Variants in ASTN1 observed in about 807,000 individuals in gnomAD.
ASTN1 encodes astrotactin 1, also known as astrotactin-1.
ASTN1 carries 41 observed loss-of-function variants against 140.7 expected under a neutral mutation model. That is an observed-to-expected ratio of 0.29 (90% CI 0.23 to 0.38). The LOEUF (loss-of-function observed/expected upper bound fraction) is 0.38. Among genes scored for constraint, ASTN1 ranks in the 10% least tolerant of loss-of-function variants. The probability of loss-of-function intolerance (pLI) is 1.00; values close to 1 mark genes in which losing one functional copy is unlikely to be tolerated. For missense variants in ASTN1, 1,479 were observed against 1,678.8 expected, an observed-to-expected ratio of 0.88 and a Z score of 2.08; for synonymous variants, 640 against 652.2, an observed-to-expected ratio of 0.98 and a Z score of 0.29.
rs1683080629 is a variant in ASTN1, at chr1:177,152,453, A to G, written c.283+11941T>C. 2.6e-5 allele frequency among the ~76,000 whole-genome samples: 4 copies of G among 152,242 alleles called. No individual in the cohort carries two copies. In the South Asian group the frequency reaches 8.3e-4, roughly 32 times the overall value. On this transcript the variant is annotated intron_variant, in intron 1 of 22. Transcript: ENST00000361833. The stretch of plus-strand genomic sequence containing the variant: ...GGAAAATAAATAAATAAAAAAGGAA[A>G]CATTCCTTTTACAAAAGCACAAAAA...
intron 1 of ASTN1, among the ~76,000 whole-genome samples, chr1:177,125,510 G>A (rs974981218): frequency 6.6e-6 from 1 of 152,196 alleles, no homozygotes; most frequent in Non-Finnish European, 1.5e-5. Flanking sequence ...TTACCTAGAT[G>A]TAGAGGCAAA....
At chr1:177,052,401 T>C (rs922728475) in intron 2 of ASTN1, among the ~76,000 whole-genome samples, 2 of 152,216 alleles carry the variant, frequency 1.3e-5, no homozygotes, top group African/African-American at 4.8e-5. Context: ...CATTTAATAA[T>C]TAAAACAGCC....
chr1:177,113,896 A>G (rs1438029264), intron 1 of ASTN1, among the ~76,000 whole-genome samples: 1 of 152,224 alleles, frequency 6.6e-6, no homozygotes, highest in Non-Finnish European at 1.5e-5. Context: ...ATGTCTCTAC[A>G]TAGCAGGGAG....
At chr1:177,064,135 A>G (rs550148294) in intron 1 of ASTN1, among the ~76,000 whole-genome samples, 3 of 152,112 alleles carry the variant, frequency 2.0e-5, no homozygotes, top group Admixed American at 6.6e-5. Context: ...ATGTGGATGA[A>G]CAATTTGTCC....
At chr1:176,880,198 C>A (rs960376335) in intron 20 of ASTN1, among the ~76,000 whole-genome samples, 2 of 152,182 alleles carry the variant, frequency 1.3e-5, no homozygotes, top group Non-Finnish European at 1.5e-5. Context: ...CAACGGAGGC[C>A]TGTGTGAGTG....
At chr1:177,115,021 G>A (rs1204735495) in intron 1 of ASTN1, among the ~76,000 whole-genome samples, 1 of 151,990 alleles carries the variant, frequency 6.6e-6, no homozygotes, top group Non-Finnish European at 1.5e-5. Flanking sequence ...AGAAATGAGA[G>A]GTAGAAGGAA....
In ASTN1 at chr1:176,949,247, G is replaced by A. The variant is rs144819472; in HGVS notation, c.1992C>T (p.Cys664=). 1.2e-4 allele frequency: 192 copies of A among 1,614,080 alleles called. 2 individuals are homozygous for A. The African/African-American group carries it at 2.3e-3, about 19-fold the overall frequency. The change falls in exon 12 of 23, where the codon TGC becomes TGT. Residue 664 remains cysteine, a synonymous_variant. Coordinates refer to ENST00000361833, the MANE Select transcript of ASTN1 (RefSeq NM_004319.3). The stretch of plus-strand genomic sequence containing the variant: ...CCGGGAAGGGCGCCATCTGCTGGAG[G>A]CACAGCTGCTCACAGCCGCCGTTGA... The part of the protein sequence containing the change: ...DGFNGGCEQL[C]LQQMAPFPDD...
intron 1 of ASTN1, among the ~76,000 whole-genome samples, chr1:177,098,978 A>G (rs903687049): frequency 1.3e-5 from 2 of 152,004 alleles, no homozygotes; most frequent in Non-Finnish European, 2.9e-5. Flanking sequence ...AATCAAAACT[A>G]CTCTCAGCAG....
At chr1:176,867,919 TTTCCTTCC>T (rs57237203) in intron 22 of ASTN1, among the ~76,000 whole-genome samples, 4 of 150,830 alleles carry the variant, frequency 2.7e-5, no homozygotes, top group East Asian at 2.0e-4. Context: ...ATTTTCTTCA[TTTCCTTCC>T]TTCCTTCCTT....
At chr1:177,081,640 T>C (rs1358329965) in intron 1 of ASTN1, among the ~76,000 whole-genome samples, 5 of 152,148 alleles carry the variant, frequency 3.3e-5, no homozygotes, top group Non-Finnish European at 2.9e-5. Flanking sequence ...TACAGAGTCA[T>C]GCAGTGATGG....
intron 16 of ASTN1, among the ~76,000 whole-genome samples, chr1:176,925,247 G>A (rs138468873): frequency 1.6e-3 from 245 of 152,252 alleles, no homozygotes; most frequent in African/African-American, 5.6e-3. Context: ...GGAGACCACC[G>A]TGCCATGGCT....
At chr1:176,955,051 T>G (rs935880791) in intron 11 of ASTN1, among the ~76,000 whole-genome samples, 14 of 152,230 alleles carry the variant, frequency 9.2e-5, no homozygotes, top group Non-Finnish European at 1.8e-4. Context: ...ATGCTCTGCC[T>G]CTGCCTACAT....
At chr1:177,052,587 A>G (rs1276936879) in intron 2 of ASTN1, among the ~76,000 whole-genome samples, 1 of 152,204 alleles carries the variant, frequency 6.6e-6, no homozygotes, top group Admixed American at 6.5e-5. Context: ...ATTCAATACC[A>G]TACAACTATA....
At position 176,971,549 on chromosome 1, in the gene ASTN1, C is replaced by T. The variant is rs539641545; in HGVS notation, c.1524-6312G>A. On this transcript the variant is annotated intron_variant, in intron 8 of 22. Transcript: ENST00000361833. ...GTCCCTCAACTGCTATTTACTTGGA[C>T]AACTTATACTATTCTTAAAGTCTAA... is the stretch of plus-strand genomic sequence containing the variant. Among the ~76,000 whole-genome samples the T allele has an allele frequency of 2.6e-5, 4 of 152,286 alleles. No homozygotes were observed. The South Asian group carries it at 8.3e-4, about 32-fold the overall frequency.
At chr1:176,957,901 A>G (rs1175006765) in intron 10 of ASTN1, 73 bp from the exon 11 acceptor site, 3 of 1,511,422 alleles carry the variant, frequency 2.0e-6, no homozygotes, top group Admixed American at 2.0e-5. Context: ...ATTACATTCC[A>G]TGCTCCTATC....
chr1:176,916,179 C>T (rs917950572), intron 16 of ASTN1, among the ~76,000 whole-genome samples: 5 of 152,094 alleles, frequency 3.3e-5, no homozygotes, highest in Non-Finnish European at 7.3e-5. Flanking sequence ...ACGGCTGGGG[C>T]TAGGATTGAG....
At chr1:176,941,570 A>G (rs891870585) in intron 14 of ASTN1, among the ~76,000 whole-genome samples, 1 of 152,200 alleles carries the variant, frequency 6.6e-6, no homozygotes, top group Non-Finnish European at 1.5e-5. Flanking sequence ...ATCGTGAATG[A>G]GCACCAGGTT....
chr1:177,096,664 G>T (rs963552014), intron 1 of ASTN1, among the ~76,000 whole-genome samples: 1 of 152,050 alleles, frequency 6.6e-6, no homozygotes, highest in Non-Finnish European at 1.5e-5. Flanking sequence ...TGAGATCTGT[G>T]GTTTTGTAAA....
intron 6 of ASTN1, 143 bp from the exon 7 acceptor site, chr1:177,023,714 C>T (rs945986921): frequency 1.0e-6 from 1 of 975,690 alleles, no homozygotes; most frequent in Admixed American, 3.8e-5. Flanking sequence ...ATCATTAGCC[C>T]CAGAGCAAGG....
Sources: gnomAD v4.1 joint callset for allele counts (sites outside exome capture counted in the v4.1 genomes callset) on GRCh38, gnomAD v4.1.1 for gene constraint, MANE v1.5 for transcripts, NCBI Gene and HGNC (gene_info 2026-07-23, HGNC 2026-07-21) for gene names.